Variants in SEMA5B observed in about 807,000 individuals in gnomAD.
SEMA5B encodes the protein semaphorin 5B.
In SEMA5B, 66 loss-of-function variants were observed where a neutral mutation model predicts 135.0. The ratio of observed to expected loss-of-function variants is 0.49; its 90% CI spans 0.40 to 0.60. SEMA5B has a LOEUF of 0.60. Among genes scored for constraint, SEMA5B ranks in the 20% least tolerant of loss-of-function variants. The pLI is 0.00. For synonymous variants in SEMA5B, 690 were observed against 639.5 expected (o/e 1.08, Z -1.19); for missense variants, 1,501 against 1,566.3 (o/e 0.96, Z 0.70).
intron 1 of SEMA5B, among the ~76,000 whole-genome samples, chr3:122,998,773 A>G (rs987777926): frequency 6.6e-6 from 1 of 152,324 alleles, no homozygotes; most frequent in African/African-American, 2.4e-5. Context: ...AGATACTCCA[A>G]GTCTCATTGG....
chr3:122,954,231 C>A (rs985781753), intron 2 of SEMA5B, among the ~76,000 whole-genome samples: 4 of 152,196 alleles, frequency 2.6e-5, no homozygotes, highest in Non-Finnish European at 4.4e-5. Context: ...GGGCAGTTCT[C>A]TGCTACCTGC....
intron 1 of SEMA5B, among the ~76,000 whole-genome samples, chr3:122,975,664 A>G (rs1941292743): frequency 6.6e-6 from 1 of 152,204 alleles, no homozygotes; most frequent in South Asian, 2.1e-4. Flanking sequence ...CATCATTATT[A>G]GTGTTGTGAT....
intron 1 of SEMA5B, among the ~76,000 whole-genome samples, chr3:122,964,283 C>T (rs1315803388): frequency 6.6e-6 from 1 of 152,160 alleles, no homozygotes; most frequent in Non-Finnish European, 1.5e-5. Context: ...GATCCCAACC[C>T]CAGATGGGAT....
intron 1 of SEMA5B, among the ~76,000 whole-genome samples, chr3:122,990,331 A>C (rs1941837547): frequency 6.6e-6 from 1 of 152,142 alleles, no homozygotes; most frequent in Admixed American, 6.5e-5. Flanking sequence ...CACAGAAGGA[A>C]ATACTTCCTA....
intron 1 of SEMA5B, among the ~76,000 whole-genome samples, chr3:123,012,382 C>T (rs1942456019): frequency 6.6e-6 from 1 of 152,124 alleles, no homozygotes; most frequent in Non-Finnish European, 1.5e-5. Context: ...CTGGAGGAGG[C>T]CACAGCACCA....
intron 1 of SEMA5B, among the ~76,000 whole-genome samples, chr3:123,011,454 C>T (rs1267681465): frequency 6.6e-6 from 1 of 152,212 alleles, no homozygotes; most frequent in Non-Finnish European, 1.5e-5. Flanking sequence ...CCCACATTCC[C>T]TGTGCATATG....
Position 122,910,255 on chromosome 3 carries a change from T to A in SEMA5B, c.3344A>T (p.Tyr1115Phe), listed in dbSNP as rs1937621606. ...GTACACATTGGTCTGCTGCAATGGG[T>A]AGAAGTTGGCTCTGTCATCAGGGAT... is the stretch of plus-strand genomic sequence containing the variant. ...NLIPDDRANF[Y>F]PLQQTNVYTT... is the part of the protein sequence containing the mutation. The change falls in exon 23 of 23, where the codon TAC becomes TTC. Residue 1115 changes from tyrosine to phenylalanine, a missense_variant. Transcript: ENST00000357599. 1 of 1,613,966 alleles carries A rather than the reference T, an allele frequency of 6.2e-7. No individual in the cohort carries two copies. The highest frequency in any genetic ancestry group is 1.7e-5 in the Admixed American group (1 of 59,996).
In SEMA5B at chr3:122,911,929, C is replaced by G; in HGVS notation, c.3037G>C (p.Glu1013Gln). Reference protein sequence around the residue: ...SSQSRPCPYSEIPVILPASSM... With the variant: ...SSQSRPCPYSQIPVILPASSM... ...TGGCAGGGGTACCTACCGGGAATCT[C>G]GCTGTAGGGGCAGGGGCGGCTCTGG... The change falls in exon 20 of 23, where the codon GAG becomes CAG. Residue 1013 changes from glutamate to glutamine, a missense_variant. By Grantham distance (29) the Glu-to-Gln change is conservative. Coordinates refer to ENST00000357599, the MANE Select transcript of SEMA5B (RefSeq NM_001031702.4). The G allele has an allele frequency of 6.3e-7, 1 of 1,598,278 alleles. No individual in the cohort carries two copies. Among genetic ancestry groups the G allele is most frequent in the South Asian group, 1.1e-5 (1 of 90,080 alleles).
chr3:122,986,153 T>A (rs577668608), intron 1 of SEMA5B, among the ~76,000 whole-genome samples: 1 of 152,342 alleles, frequency 6.6e-6, no homozygotes, highest in South Asian at 2.1e-4. Context: ...ATACTGTCCT[T>A]TGTCTTACTC....
intron 1 of SEMA5B, among the ~76,000 whole-genome samples, chr3:123,023,914 T>C (rs1007946418): frequency 6.6e-6 from 1 of 152,216 alleles, no homozygotes; most frequent in African/African-American, 2.4e-5. Flanking sequence ...TGGTCTCTTT[T>C]ACCCTGTACC....
At chr3:122,927,109 G>A (rs1938678432) in intron 8 of SEMA5B, among the ~76,000 whole-genome samples, 2 of 152,156 alleles carry the variant, frequency 1.3e-5, no homozygotes, top group Non-Finnish European at 2.9e-5. Flanking sequence ...TTACTTTTGC[G>A]CCAACCTAAT....
intron 2 of SEMA5B, among the ~76,000 whole-genome samples, chr3:122,959,561 C>CA (rs1940484161): frequency 7.0e-6 from 1 of 142,488 alleles, no homozygotes; most frequent in African/African-American, 2.7e-5. Context: ...TAAGTCAACA[C>CA]ACGGTAAGGA....
At chr3:122,924,619 A>G (rs1938533103) in intron 9 of SEMA5B, among the ~76,000 whole-genome samples, 1 of 152,144 alleles carries the variant, frequency 6.6e-6, no homozygotes, top group South Asian at 2.1e-4. Context: ...CCTTTGGGAC[A>G]TACCCTCCCT....
intron 1 of SEMA5B, among the ~76,000 whole-genome samples, chr3:122,987,200 G>A (rs551579055): frequency 1.3e-5 from 2 of 152,184 alleles, no homozygotes; most frequent in South Asian, 2.1e-4. Context: ...AGATTGGAGA[G>A]GGTAAAGTCC....
chr3:122,926,669 A>T lies in SEMA5B; in HGVS notation c.859T>A (p.Phe287Ile). 6.2e-7 allele frequency: 1 copy of T among 1,610,190 alleles called. No individual in the cohort carries two copies. The highest frequency in any genetic ancestry group is 8.5e-7 in the Non-Finnish European group (1 of 1,176,582). The change falls in exon 9 of 23, where the codon TTC (phenylalanine) becomes ATC (isoleucine). Residue 287 changes from phenylalanine (F) to isoleucine (I), a missense_variant. Physicochemically the swap from Phe to Ile is conservative, Grantham distance 21. This residue lies in a region of SEMA5B where 574 missense variants were observed against 684.7 expected (regional missense o/e 0.84). Transcript: ENST00000357599. Reference sequence around the variant, plus strand: ...AGCCCAATATCATAGGCTGCCACGAAGTTTGGCTCTGGGTGGGCAGAAGAG... The same window carrying T: ...AGCCCAATATCATAGGCTGCCACGATGTTTGGCTCTGGGTGGGCAGAAGAG... ...YNSKWLNEPN[F>I]VAAYDIGLFA...
chr3:123,013,583 G>C (rs1345219259), intron 1 of SEMA5B, among the ~76,000 whole-genome samples: 1 of 152,214 alleles, frequency 6.6e-6, no homozygotes, highest in African/African-American at 2.4e-5. Context: ...TGGCAAAGCA[G>C]GTGTTGAGAC....
At chr3:122,990,835 C>T (rs1056024290) in intron 1 of SEMA5B, among the ~76,000 whole-genome samples, 19 of 152,210 alleles carry the variant, frequency 1.2e-4, no homozygotes, top group Admixed American at 1.2e-3. Flanking sequence ...ACAGAATCCT[C>T]TAGATTGATT....
chr3:122,958,083 T>C (rs1179717897), intron 2 of SEMA5B: 3 of 152,278 alleles, frequency 2.0e-5, no homozygotes, highest in African/African-American at 7.2e-5. Context: ...AGGTTCCAGA[T>C]GGAGAGGGCA....
intron 3 of SEMA5B, among the ~76,000 whole-genome samples, 197 bp from the exon 4 acceptor site, chr3:122,943,732 C>T (rs1443518469): frequency 6.6e-6 from 1 of 152,188 alleles, no homozygotes; most frequent in African/African-American, 2.4e-5. Flanking sequence ...TTCTGCCACA[C>T]TCCTTAGCTC....
Sources: gnomAD v4.1 joint callset for allele counts (sites outside exome capture counted in the v4.1 genomes callset) on GRCh38, gnomAD v4.1.1 for gene constraint, gnomAD v4.1.1 regional missense constraint, MANE v1.5 for transcripts, NCBI Gene and HGNC (gene_info 2026-07-23, HGNC 2026-07-21) for gene names.